Variants in POLQ observed in about 807,000 individuals in gnomAD.
The protein encoded by POLQ is DNA polymerase theta.
Under a neutral mutation model 259.2 loss-of-function variants are expected in POLQ, and 233 were observed. The observed-to-expected ratio is 0.90, with a 90% CI of 0.81 to 1.00. The LOEUF (loss-of-function observed/expected upper bound fraction) is 1.00, where lower values mean the gene tolerates loss of function less well. Ranked by LOEUF, POLQ falls within the 50% of genes least tolerant of loss-of-function variation. POLQ has a pLI of 0.00. For synonymous variants in POLQ, 1,025 were observed against 1,048.8 expected, an observed-to-expected ratio of 0.98 and a Z score of 0.44; for missense variants, 2,871 against 3,051.6, an observed-to-expected ratio of 0.94 and a Z score of 1.39.
rs781223154 is a variant in POLQ, at chr3:121,476,534, T to C, written c.6405+6A>G. On this transcript the variant is annotated splice_donor_region_variant and intron_variant, in intron 20 of 29. Transcript: ENST00000264233. ...TGTATCTATATCCCTAGCCCCATGA[T>C]ACAACCTCAGCGATGTCATCTGAAC... 2.5e-6 allele frequency: 4 copies of C among 1,607,062 alleles called. No individual in the cohort carries two copies. The highest frequency in any genetic ancestry group is 2.2e-5 in the South Asian group (2 of 90,586).
intron 16 of POLQ, 65 bp downstream of exon 16, chr3:121,487,236 TA>T: frequency 1.2e-6 from 1 of 829,028 alleles, no homozygotes; most frequent in South Asian, 2.0e-5. Context: ...TTGAGAAATC[TA>T]ACTCTTATCT....
At chr3:121,471,169 A>G (rs562433257) in intron 22 of POLQ, among the ~76,000 whole-genome samples, 1 of 152,176 alleles carries the variant, frequency 6.6e-6, no homozygotes, top group East Asian at 1.9e-4. Flanking sequence ...GAAAGAATAC[A>G]TTTTTCTTCA....
intron 26 of POLQ, among the ~76,000 whole-genome samples, chr3:121,443,317 A>T (rs2047608818): frequency 6.6e-6 from 1 of 152,218 alleles, no homozygotes; most frequent in Non-Finnish European, 1.5e-5. Context: ...GTGAGATGAT[A>T]TCACATTCTA....
intron 16 of POLQ, 57 bp downstream of exon 16, chr3:121,487,245 T>C (rs535677048): frequency 1.3e-4 from 115 of 901,594 alleles, no homozygotes; most frequent in Non-Finnish European, 1.8e-4. Context: ...CTAACTCTTA[T>C]CTCAGTCTAC....
intron 5 of POLQ, among the ~76,000 whole-genome samples, chr3:121,535,010 G>A (rs1302124971): frequency 6.6e-6 from 1 of 152,160 alleles, no homozygotes; most frequent in Non-Finnish European, 1.5e-5. Flanking sequence ...AAATGCACAG[G>A]TACTCTGCTG....
intron 9 of POLQ, among the ~76,000 whole-genome samples, chr3:121,516,681 T>C (rs527848671): frequency 6.6e-6 from 1 of 152,090 alleles, no homozygotes; most frequent in East Asian, 1.9e-4. Context: ...CTAAGTAGTC[T>C]ATGGAAAGAC....
rs576737731 is a variant in POLQ at position 121,525,158 on chromosome 3, G to A, written c.1109-3009C>T. Among the ~76,000 whole-genome samples the A allele has an allele frequency of 3.9e-5, 6 of 152,132 alleles. No individual in the cohort carries two copies. The East Asian group carries it at 7.7e-4, about 20-fold the overall frequency. The stretch of plus-strand genomic sequence containing the variant: ...AGATCGAGACCATCCTGGCTAACAC[G>A]GTGAAACCCCGTCTCTACTAAAAAT... On this transcript the variant is annotated intron_variant, in intron 7 of 29. Transcript: ENST00000264233.
intron 9 of POLQ, 142 bp downstream of exon 9, chr3:121,519,729 G>A: frequency 3.2e-6 from 2 of 624,552 alleles, no homozygotes; most frequent in Non-Finnish European, 5.8e-6. Context: ...TAAATATTAA[G>A]TGAATCCAAA....
intron 19 of POLQ, among the ~76,000 whole-genome samples, chr3:121,481,117 C>A (rs1237377356): frequency 7.2e-5 from 11 of 152,238 alleles, no homozygotes; most frequent in African/African-American, 2.6e-4. Flanking sequence ...TTAATAGTTC[C>A]AAAAAGAAAA....
chr3:121,541,379 A>G lies in POLQ; in HGVS notation c.444T>C (p.Ser148=). ...GGTAGTATTTCTTCTCTTTAGCCAC[A>G]GAAACAAAGGGAAGAATAAACAAAG... ...KKALFILPFV[S]VAKEKKYYLQ... is the part of the protein sequence containing the mutation. Residue 148 remains serine (S), a synonymous_variant, in exon 3 of 30, where the codon TCT becomes TCC. Coordinates refer to ENST00000264233, the MANE Select transcript of POLQ (RefSeq NM_199420.4). The G allele has an allele frequency of 3.1e-6, 5 of 1,607,232 alleles. No homozygotes were observed. The highest frequency in any genetic ancestry group is 4.2e-6 in the Non-Finnish European group (5 of 1,177,252).
At chr3:121,484,859 C>T (rs1258827078) in intron 17 of POLQ, among the ~76,000 whole-genome samples, 182 bp downstream of exon 17, 1 of 152,112 alleles carries the variant, frequency 6.6e-6, no homozygotes, top group African/African-American at 2.4e-5. Flanking sequence ...CAAGATCATG[C>T]CACTGTACTC....
intron 15 of POLQ, among the ~76,000 whole-genome samples, chr3:121,490,726 G>A (rs2048061029): frequency 1.3e-5 from 2 of 152,124 alleles, no homozygotes; most frequent in Admixed American, 1.3e-4. Context: ...TTAAGTAGAA[G>A]CCTTTAAAAA....
At chr3:121,479,386 G>GTGTGTA (rs1191779894) in intron 19 of POLQ, among the ~76,000 whole-genome samples, 1 of 150,808 alleles carries the variant, frequency 6.6e-6, no homozygotes, top group South Asian at 2.1e-4. Flanking sequence ...GTGTGTGTGT[G>GTGTGTA]TATACACATC....
At chr3:121,459,009 A>G (rs2047767664) in intron 25 of POLQ, among the ~76,000 whole-genome samples, 1 of 152,208 alleles carries the variant, frequency 6.6e-6, no homozygotes, top group Admixed American at 6.5e-5. Flanking sequence ...CTGTCTTGCA[A>G]ATGGCATCAG....
rs781644938 is a variant in POLQ, at chr3:121,472,155, T to A, written c.6553A>T (p.Asn2185Tyr). Residue 2185 changes from asparagine (N) to tyrosine (Y), a missense_variant, in exon 22 of 30, where the codon AAT (asparagine) becomes TAT (tyrosine). By Grantham distance (143) the Asn-to-Tyr change is moderately radical. Around this residue, in one of 3 missense-constraint regions of POLQ, gnomAD observed 2,080 missense variants for 2,126.0 expected, o/e 0.98. Coordinates refer to ENST00000264233, the MANE Select transcript of POLQ (RefSeq NM_199420.4). ...RQFSTSKDVL[N>Y]KLKALHPLPG... is the part of the protein sequence containing the mutation. ...AAAGGATGTAATGCCTTTAATTTATTTAAAACGTCCTGCCAAAAAAATATA... is the reference window on the plus strand; with the variant it reads ...AAAGGATGTAATGCCTTTAATTTATATAAAACGTCCTGCCAAAAAAATATA... 6.9e-7 allele frequency: 1 copy of A among 1,457,870 alleles called. No individual in the cohort carries two copies. Among genetic ancestry groups the A allele is most frequent in the Admixed American group, 2.0e-5 (1 of 50,674 alleles). The allele number at this position is 1,457,870 out of a possible 1,614,324, so 90.3% of individuals were successfully genotyped here.
intron 20 of POLQ, among the ~76,000 whole-genome samples, chr3:121,474,599 G>C: frequency 6.6e-6 from 1 of 152,216 alleles, no homozygotes; most frequent in East Asian, 1.9e-4. Context: ...TGAGCCAGGG[G>C]TGGAAGGGAA....
intron 28 of POLQ, among the ~76,000 whole-genome samples, chr3:121,434,233 T>A (rs1168396972): frequency 6.6e-6 from 1 of 152,214 alleles, no homozygotes; most frequent in Non-Finnish European, 1.5e-5. Flanking sequence ...CTTCCTTTCA[T>A]CCTACTGACC....
rs115164121 is a variant in POLQ, at chr3:121,506,812, C to T, written c.1959+2749G>A. ...AACACTGTGTGTACCATGTTACTTACTGAAGCATAATTTGCCACAAGAAAA... is the reference window on the plus strand; with the variant it reads ...AACACTGTGTGTACCATGTTACTTATTGAAGCATAATTTGCCACAAGAAAA... On this transcript the variant is annotated intron_variant, in intron 12 of 29. Coordinates refer to ENST00000264233, the MANE Select transcript of POLQ (RefSeq NM_199420.4). Among the ~76,000 whole-genome samples, 1,370 of 152,264 alleles carry T rather than the reference C, an allele frequency of 9.0e-3. 19 individuals are homozygous for T. The highest frequency in any genetic ancestry group is 0.031 in the African/African-American group (1,297 of 41,552).
chr3:121,435,119 G>A (rs528574582), intron 28 of POLQ, among the ~76,000 whole-genome samples: 12 of 152,144 alleles, frequency 7.9e-5, no homozygotes, highest in East Asian at 7.7e-4. Context: ...AGCTGAGATC[G>A]TGCCACTGCA....
Sources: allele counts gnomAD v4.1 joint callset (sites outside exome capture counted in the v4.1 genomes callset), GRCh38; gene constraint gnomAD v4.1.1; regional missense constraint gnomAD v4.1.1; transcripts MANE v1.5; gene names NCBI Gene and HGNC (gene_info 2026-07-23, HGNC 2026-07-21).